The following NPAS3 variants were observed in gnomAD, a reference collection of about 807,000 sequenced individuals.
The protein encoded by NPAS3 is neuronal PAS domain-containing protein 3.
Under a neutral mutation model 73.1 loss-of-function variants are expected in NPAS3, and 14 were observed. That is an observed-to-expected ratio of 0.19 (90% confidence interval 0.13 to 0.30). The LOEUF is 0.30. Ranked by LOEUF, NPAS3 falls within the 10% of genes least tolerant of loss-of-function variation. The pLI, the probability that NPAS3 is intolerant of heterozygous loss-of-function variation, is 1.00. For synonymous variants in NPAS3, 620 were observed against 541.5 expected, an observed-to-expected ratio of 1.14 and a Z score of -2.01; for missense variants, 1,096 against 1,250.0, an observed-to-expected ratio of 0.88 and a Z score of 1.86.
At chr14:33,459,968 T>C (rs1253081036) in intron 4 of NPAS3, among the ~76,000 whole-genome samples, 7 of 152,224 alleles carry the variant, frequency 4.6e-5, no homozygotes, top group African/African-American at 1.4e-4. Flanking sequence ...ACACAGTAGT[T>C]ATTCAATAAT....
intron 3 of NPAS3, among the ~76,000 whole-genome samples, chr14:33,296,194 G>T (rs1280307806): frequency 6.6e-6 from 1 of 152,142 alleles, no homozygotes; most frequent in Non-Finnish European, 1.5e-5. Flanking sequence ...GCCATGTAAA[G>T]AATATTCCTG....
intron 1 of NPAS3, among the ~76,000 whole-genome samples, chr14:32,965,987 T>C (rs1218439399): frequency 6.6e-6 from 1 of 151,914 alleles, no homozygotes; most frequent in Non-Finnish European, 1.5e-5. Context: ...GGAATAAATA[T>C]AACTAAGGAA....
rs990925744 is a variant in NPAS3 at position 33,102,213 on chromosome 14, C to T, written c.140+46219C>T. On this transcript the variant is annotated intron_variant, in intron 2 of 11. Coordinates refer to ENST00000356141, the Ensembl canonical transcript of NPAS3. ...ATGTGTTTATGAGGTTGGTTCCCAT[C>T]GTGACAGTAGGCAAAAATTAGCTAG... Among the ~76,000 whole-genome samples the T allele has an allele frequency of 3.3e-5, 5 of 152,036 alleles. No homozygotes were observed. The East Asian group carries it at 5.8e-4, about 18-fold the overall frequency.
intron 3 of NPAS3, among the ~76,000 whole-genome samples, chr14:33,269,015 C>A (rs1023410721): frequency 1.3e-5 from 2 of 152,112 alleles, no homozygotes; most frequent in African/African-American, 4.8e-5. Flanking sequence ...GGTAAAGCTG[C>A]GATCTAGTGC....
At chr14:32,986,979 T>G (rs2038124936) in intron 1 of NPAS3, among the ~76,000 whole-genome samples, 1 of 152,188 alleles carries the variant, frequency 6.6e-6, no homozygotes, top group South Asian at 2.1e-4. Context: ...TGCACTGTTT[T>G]CAGTGCAGAG....
At position 33,384,425 on chromosome 14, in the gene NPAS3, A is replaced by ATTTT. The variant is rs1293417947; in HGVS notation, c.468+17157_468+17158insTTTT. ...TTTAATGTTTCTGTGTTTTTTTAAA[A>ATTTT]AAAAAAAACAAATACCATTGAAGGC... On this transcript the variant is annotated intron_variant, in intron 4 of 11. Coordinates refer to ENST00000356141, the Ensembl canonical transcript of NPAS3. 3.6e-4 allele frequency among the ~76,000 whole-genome samples: 55 copies of ATTTT among 151,868 alleles called. No homozygotes were observed. In the Middle Eastern group the frequency reaches 0.01, roughly 28 times the overall value.
rs1024330816 is a variant in NPAS3, at chr14:33,633,655, G to T, written c.559-42556G>T. 2.6e-5 allele frequency among the ~76,000 whole-genome samples: 4 copies of T among 152,036 alleles called. No homozygotes were observed. The East Asian group carries it at 7.7e-4, about 29-fold the overall frequency. ...AAAAATACAGTATTATAATCTCTTG[G>T]GACTACTGTCCTACAAGTGGTCCAT... On this transcript the variant is annotated intron_variant, in intron 5 of 11. Transcript: ENST00000356141.
intron 7 of NPAS3, among the ~76,000 whole-genome samples, chr14:33,737,853 C>A (rs146281318): frequency 4.6e-4 from 70 of 152,270 alleles, no homozygotes; most frequent in Non-Finnish European, 7.4e-4. Flanking sequence ...CAGTGATAAT[C>A]ATTTCTCTGT....
chr14:33,767,559 G>GA (rs1405052668), intron 7 of NPAS3, among the ~76,000 whole-genome samples: 1 of 146,854 alleles, frequency 6.8e-6, no homozygotes, highest in South Asian at 2.1e-4. Context: ...AAGGACAAGT[G>GA]AAAAATCTCT....
intron 2 of NPAS3, among the ~76,000 whole-genome samples, chr14:33,183,442 T>G (rs1334324189): frequency 2.8e-4 from 27 of 97,090 alleles, no homozygotes; most frequent in African/African-American, 7.9e-4. Flanking sequence ...TTTTTTTTTT[T>G]TTTTTTTTTT....
At chr14:33,794,245 G>A (rs1331278002) in intron 10 of NPAS3, among the ~76,000 whole-genome samples, 3 of 152,208 alleles carry the variant, frequency 2.0e-5, no homozygotes, top group African/African-American at 7.2e-5. Context: ...GGACTTGCAG[G>A]AAAGATTTCA....
At chr14:33,533,780 A>G (rs2054140182) in intron 4 of NPAS3, among the ~76,000 whole-genome samples, 2 of 151,874 alleles carry the variant, frequency 1.3e-5, no homozygotes, top group Admixed American at 6.6e-5. Flanking sequence ...GAGATCCGAA[A>G]TGTATTGTGA....
At chr14:32,952,788 T>C (rs1330320638) in intron 1 of NPAS3, among the ~76,000 whole-genome samples, 1 of 152,082 alleles carries the variant, frequency 6.6e-6, no homozygotes, top group Non-Finnish European at 1.5e-5. Context: ...TCAACCAAAA[T>C]TGGAAATACC....
intron 4 of NPAS3, among the ~76,000 whole-genome samples, chr14:33,418,404 C>T (rs1341587927): frequency 2.6e-5 from 4 of 151,922 alleles, no homozygotes; most frequent in Non-Finnish European, 4.4e-5. Flanking sequence ...CTGCTGGTAG[C>T]AGGCAGTGTA....
At chr14:33,150,730 G>T (rs2044415217) in intron 2 of NPAS3, among the ~76,000 whole-genome samples, 1 of 152,160 alleles carries the variant, frequency 6.6e-6, no homozygotes. Flanking sequence ...CCGTAATCAT[G>T]CTGTGAGTAC....
intron 5 of NPAS3, among the ~76,000 whole-genome samples, chr14:33,661,308 C>T (rs897900662): frequency 1.3e-5 from 2 of 152,082 alleles, no homozygotes; most frequent in Admixed American, 6.6e-5. Flanking sequence ...TAATATATGC[C>T]AGTCAGTCTT....
intron 11 of NPAS3, among the ~76,000 whole-genome samples, chr14:33,798,258 A>C (rs2063572152): frequency 6.6e-6 from 1 of 152,120 alleles, no homozygotes; most frequent in African/African-American, 2.4e-5. Flanking sequence ...GGGGAAGCGG[A>C]CTTCCTGAGT....
At chr14:33,142,939 T>TA (rs989020572) in intron 2 of NPAS3, among the ~76,000 whole-genome samples, 3 of 151,306 alleles carry the variant, frequency 2.0e-5, no homozygotes, top group East Asian at 2.0e-4. Flanking sequence ...CTATCTCTAC[T>TA]AAAAAAATAC....
At chr14:33,394,567 G>A (rs779314260) in intron 4 of NPAS3, among the ~76,000 whole-genome samples, 18 of 152,096 alleles carry the variant, frequency 1.2e-4, no homozygotes, top group Non-Finnish European at 1.6e-4. Flanking sequence ...ATTGTTAATA[G>A]CTAGAACTTT....
Sources: allele counts gnomAD v4.1 joint callset (sites outside exome capture counted in the v4.1 genomes callset), GRCh38; gene constraint gnomAD v4.1.1; transcripts MANE v1.5; gene names NCBI Gene and HGNC (gene_info 2026-07-23, HGNC 2026-07-21).